The following DLGAP4 variants were observed in gnomAD, a reference collection of about 807,000 sequenced individuals.
The protein encoded by DLGAP4 is DLG associated protein 4, also known as disks large-associated protein 4.
In DLGAP4, 18 loss-of-function variants were observed where a neutral mutation model predicts 86.9. The ratio of observed to expected loss-of-function variants is 0.21; its 90% CI spans 0.14 to 0.31. The LOEUF (loss-of-function observed/expected upper bound fraction) is 0.31, where lower values mean the gene tolerates loss of function less well. DLGAP4 is among the 10% of genes least tolerant of loss of function. DLGAP4 has a pLI of 1.00. For synonymous variants in DLGAP4, 548 were observed against 574.3 expected (o/e 0.95, Z 0.65); for missense variants, 1,085 against 1,362.6 (o/e 0.80, Z 3.21).
At chr20:36,472,854 C>T (rs2034731530) in intron 7 of DLGAP4, among the ~76,000 whole-genome samples, 1 of 152,190 alleles carries the variant, frequency 6.6e-6, no homozygotes, top group Non-Finnish European at 1.5e-5. Flanking sequence ...CAGGCCTTTT[C>T]CCTACCCACT....
chr20:36,445,611 A>T (rs1017992191), intron 6 of DLGAP4, among the ~76,000 whole-genome samples: 5 of 152,212 alleles, frequency 3.3e-5, no homozygotes, highest in Non-Finnish European at 4.4e-5. Context: ...GAATGCGAGC[A>T]CCTATTTCAT....
At chr20:36,486,194 A>G (rs1227780017) in intron 7 of DLGAP4, among the ~76,000 whole-genome samples, 2 of 152,200 alleles carry the variant, frequency 1.3e-5, no homozygotes, top group Non-Finnish European at 2.9e-5. Flanking sequence ...CCATGATTAT[A>G]TAAGATACTC....
At chr20:36,480,811 G>C (rs190906488) in intron 7 of DLGAP4, among the ~76,000 whole-genome samples, 1 of 152,266 alleles carries the variant, frequency 6.6e-6, no homozygotes, top group African/African-American at 2.4e-5. Flanking sequence ...TTCTAGTACA[G>C]CATGGGCAAC....
intron 10 of DLGAP4, among the ~76,000 whole-genome samples, chr20:36,513,782 C>T (rs1260244612): frequency 1.3e-5 from 2 of 152,096 alleles, no homozygotes; most frequent in African/African-American, 4.8e-5. Flanking sequence ...GGGAGCCAAA[C>T]ATGGCTTGGA....
intron 10 of DLGAP4, among the ~76,000 whole-genome samples, chr20:36,502,494 C>T (rs1420781432): frequency 6.6e-6 from 1 of 152,120 alleles, no homozygotes; most frequent in Non-Finnish European, 1.5e-5. Flanking sequence ...AGGACTACCA[C>T]AGAGTGCCAC....
intron 1 of DLGAP4, among the ~76,000 whole-genome samples, chr20:36,352,517 T>C (rs1298252235): frequency 1.3e-5 from 2 of 151,938 alleles, no homozygotes. Flanking sequence ...AAGCAGGATT[T>C]CCTGGAGGAC....
Position 36,527,266 on chromosome 20 carries a change from C to CT in DLGAP4, c.*244dup, listed in dbSNP as rs200995929. 334 of 432,524 alleles carry CT rather than the reference C, an allele frequency of 7.7e-4. No individual in the cohort carries two copies. The highest frequency in any genetic ancestry group is 2.8e-3 in the African/African-American group (141 of 49,850). 26.8% of individuals were successfully genotyped at this position (432,524 alleles called of 1,614,324 possible). ...CAACAAAAATCACGAAACTAGAAAA[C>CT]TTTTTTTTTCCTCTTGCTGGCCGTG... On this transcript the variant is annotated 3_prime_UTR_variant, in exon 13 of 13. Transcript: ENST00000339266.
At chr20:36,407,353 T>C (rs1025121523) in intron 2 of DLGAP4, among the ~76,000 whole-genome samples, 9 of 152,138 alleles carry the variant, frequency 5.9e-5, no homozygotes, top group African/African-American at 2.2e-4. Flanking sequence ...TAAAATGTGA[T>C]TCTAAATGGC....
At chr20:36,479,456 A>T (rs566060725) in intron 7 of DLGAP4, among the ~76,000 whole-genome samples, 7 of 152,056 alleles carry the variant, frequency 4.6e-5, no homozygotes, top group Non-Finnish European at 8.8e-5. Flanking sequence ...CAGAAAAGTA[A>T]AGAGGTTTGT....
chr20:36,358,047 C>T (rs1002915432), intron 1 of DLGAP4, among the ~76,000 whole-genome samples: 8 of 152,166 alleles, frequency 5.3e-5, no homozygotes, highest in African/African-American at 2.4e-5. Flanking sequence ...ACAGGGAGTC[C>T]GAGCCAGCTC....
At chr20:36,378,087 C>T (rs1569478397) in intron 2 of DLGAP4, among the ~76,000 whole-genome samples, 1 of 152,148 alleles carries the variant, frequency 6.6e-6, no homozygotes, top group African/African-American at 2.4e-5. Flanking sequence ...CTGCTTCCAG[C>T]CTTTCACTCA....
At position 36,473,650 on chromosome 20, in the gene DLGAP4, A is replaced by G. The variant is rs73277341; in HGVS notation, c.1649-23055A>G. ...TTTTTTAAAATAGAGATTTCCCACT[A>G]TGCTACCCACGTTGGTCTCAAACTC... On this transcript the variant is annotated intron_variant, in intron 7 of 12. Transcript: ENST00000339266. 6.0e-3 allele frequency among the ~76,000 whole-genome samples: 921 copies of G among 152,240 alleles called. 6 individuals carry two copies. The highest frequency in any genetic ancestry group is 8.6e-3 in the Non-Finnish European group (582 of 68,010).
At chr20:36,525,541 C>T (rs2037698984) in intron 11 of DLGAP4, 1 of 428,342 alleles carries the variant, frequency 2.3e-6, no homozygotes, top group Non-Finnish European at 4.3e-6. Context: ...ACTGTCACAC[C>T]ATGGCCAAGA....
chr20:36,511,208 A>C (rs1600687059), intron 10 of DLGAP4, among the ~76,000 whole-genome samples: 2 of 152,082 alleles, frequency 1.3e-5, no homozygotes, highest in Non-Finnish European at 2.9e-5. Flanking sequence ...ATTTTCATTT[A>C]ATTTAATTTT....
At chr20:36,484,918 T>C (rs1332355691) in intron 7 of DLGAP4, among the ~76,000 whole-genome samples, 3 of 152,174 alleles carry the variant, frequency 2.0e-5, no homozygotes, top group African/African-American at 4.8e-5. Context: ...TGCCAATTGA[T>C]TTTTTTTCCA....
At chr20:36,441,699 G>A (rs975822674) in intron 5 of DLGAP4, among the ~76,000 whole-genome samples, 5 of 151,994 alleles carry the variant, frequency 3.3e-5, no homozygotes, top group African/African-American at 4.8e-5. Context: ...ACGTTTTCTC[G>A]TCTCAGTCTT....
intron 8 of DLGAP4, 189 bp from the exon 9 acceptor site, chr20:36,499,399 G>A (rs2036034344): frequency 1.3e-5 from 16 of 1,205,672 alleles, no homozygotes; most frequent in Middle Eastern, 6.7e-4. Context: ...GCCTCCACGC[G>A]AATGAGCAGT....
At chr20:36,388,339 C>A (rs1600469474) in intron 2 of DLGAP4, among the ~76,000 whole-genome samples, 2 of 152,162 alleles carry the variant, frequency 1.3e-5, no homozygotes, top group East Asian at 3.9e-4. Context: ...CTGTCTGGGG[C>A]CTGATTGTTA....
At chr20:36,336,421 G>T (rs1276835832) in intron 1 of DLGAP4, among the ~76,000 whole-genome samples, 1 of 152,114 alleles carries the variant, frequency 6.6e-6, no homozygotes, top group Non-Finnish European at 1.5e-5. Flanking sequence ...TCCTCAAAGA[G>T]CCCTCCTCTC....
Sources: gnomAD v4.1 joint callset for allele counts (sites outside exome capture counted in the v4.1 genomes callset) on GRCh38, gnomAD v4.1.1 for gene constraint, MANE v1.5 for transcripts, NCBI Gene and HGNC (gene_info 2026-07-23, HGNC 2026-07-21) for gene names.